PLXNA2: variants seen among roughly 807,000 people sequenced by gnomAD.
PLXNA2 encodes the protein plexin-A2.
Under a neutral mutation model 193.5 loss-of-function variants are expected in PLXNA2, and 91 were observed. That is an observed-to-expected ratio of 0.47 (90% CI 0.40 to 0.56). The LOEUF (loss-of-function observed/expected upper bound fraction) is 0.56, where lower values mean the gene tolerates loss of function less well. Ranked by LOEUF, PLXNA2 falls within the 20% of genes least tolerant of loss-of-function variation. PLXNA2 has a pLI of 0.00. For missense variants in PLXNA2, 1,995 were observed against 2,503.2 expected (o/e 0.80, Z 4.33); for synonymous variants, 997 against 1,027.3 (o/e 0.97, Z 0.56).
chr1:208,192,920 A>G (rs1174830675), intron 3 of PLXNA2, among the ~76,000 whole-genome samples: 2 of 151,858 alleles, frequency 1.3e-5, no homozygotes, highest in Non-Finnish European at 2.9e-5. Flanking sequence ...AAAAAAAACC[A>G]TTAGACAAAG....
At chr1:208,144,935 CTGATGA>C (rs972810707) in intron 3 of PLXNA2, among the ~76,000 whole-genome samples, 2 of 152,024 alleles carry the variant, frequency 1.3e-5, no homozygotes, top group African/African-American at 2.4e-5. Context: ...TGGAGCAATT[CTGATGA>C]TGAGATTCAA....
chr1:208,032,248 G>T (rs1271004526), intron 28 of PLXNA2: 1 of 566,562 alleles, frequency 1.8e-6, no homozygotes, highest in Non-Finnish European at 2.2e-6. Context: ...TGGAATGTGG[G>T]TGAAGGGTCT....
At chr1:208,045,328 A>C in intron 18 of PLXNA2, 118 bp from the exon 19 acceptor site, 1 of 1,007,930 alleles carries the variant, frequency 9.9e-7, no homozygotes, top group Admixed American at 2.3e-5. Context: ...CCAGGAAATG[A>C]CTCCTTGGCA....
intron 14 of PLXNA2, among the ~76,000 whole-genome samples, chr1:208,053,838 C>T (rs1007614425): frequency 4.6e-5 from 7 of 152,140 alleles, no homozygotes; most frequent in Admixed American, 6.6e-5. Context: ...CTGTTGCCTG[C>T]GCATAAAGAG....
intron 26 of PLXNA2, 99 bp from the exon 27 acceptor site, chr1:208,034,691 G>T: frequency 2.8e-6 from 2 of 724,182 alleles, no homozygotes; most frequent in Non-Finnish European, 5.0e-6. Flanking sequence ...ATAGCTGTGG[G>T]GTAGAGAGCA....
intron 7 of PLXNA2, 22 bp from the exon 8 acceptor site, chr1:208,096,147 G>T (rs751952204): frequency 6.3e-7 from 1 of 1,594,666 alleles, no homozygotes; most frequent in Non-Finnish European, 8.6e-7. Context: ...AACAAAAAAG[G>T]ATGGGGTTGG....
At chr1:208,117,229 A>G (rs1254161279) in intron 4 of PLXNA2, among the ~76,000 whole-genome samples, 1 of 152,188 alleles carries the variant, frequency 6.6e-6, no homozygotes, top group Non-Finnish European at 1.5e-5. Context: ...TATTGGAGGG[A>G]GGGCTTGGAA....
At chr1:208,086,405 A>G (rs1666520918) in intron 9 of PLXNA2, among the ~76,000 whole-genome samples, 1 of 152,198 alleles carries the variant, frequency 6.6e-6, no homozygotes, top group Admixed American at 6.5e-5. Context: ...TTTGGTTCTC[A>G]AAAGCTGGAG....
At position 208,205,052 on chromosome 1, in the gene PLXNA2, T is replaced by C. The variant is rs534492845; in HGVS notation, c.1371+5228A>G. The stretch of plus-strand genomic sequence containing the variant: ...TGGGTTGAGGCGGCAGTTTAGCAGC[T>C]GCAAATGGAAGGAAGAAACCAAAGG... On this transcript the variant is annotated intron_variant, in intron 3 of 31. Coordinates refer to ENST00000367033, the MANE Select transcript of PLXNA2 (RefSeq NM_025179.4). Among the ~76,000 whole-genome samples the C allele has an allele frequency of 1.1e-3, 160 of 152,288 alleles. 1 individual carries two copies. Among genetic ancestry groups the C allele is most frequent in the African/African-American group, 3.8e-3 (158 of 41,552 alleles).
chr1:208,146,035 G>T (rs1394544723), intron 3 of PLXNA2, among the ~76,000 whole-genome samples: 1 of 152,200 alleles, frequency 6.6e-6, no homozygotes, highest in Non-Finnish European at 1.5e-5. Context: ...GGTCAGAGAA[G>T]ATGGAGAGTA....
intron 3 of PLXNA2, among the ~76,000 whole-genome samples, chr1:208,166,096 C>T (rs1311887872): frequency 6.6e-6 from 1 of 152,156 alleles, no homozygotes; most frequent in Non-Finnish European, 1.5e-5. Context: ...ACAAAGAAAT[C>T]ATAAGGGCAG....
At chr1:208,075,182 G>A (rs933165450) in intron 12 of PLXNA2, among the ~76,000 whole-genome samples, 3 of 151,982 alleles carry the variant, frequency 2.0e-5, no homozygotes, top group Admixed American at 6.6e-5. Flanking sequence ...GTGGTGGCAC[G>A]TGCCTGTAGT....
intron 3 of PLXNA2, among the ~76,000 whole-genome samples, chr1:208,208,846 A>C (rs1670830447): frequency 6.6e-6 from 1 of 152,210 alleles, no homozygotes; most frequent in South Asian, 2.1e-4. Context: ...AGGCCCGTTA[A>C]CACAATCCTC....
intron 4 of PLXNA2, among the ~76,000 whole-genome samples, chr1:208,111,888 GA>G (rs778413371): frequency 2.0e-5 from 3 of 152,178 alleles, no homozygotes; most frequent in Non-Finnish European, 4.4e-5. Flanking sequence ...AAAAACCCCA[GA>G]AAAACAGCTG....
chr1:208,045,233 T>C (rs758652198), intron 18 of PLXNA2, 23 bp from the exon 19 acceptor site: 18 of 1,609,988 alleles, frequency 1.1e-5, no homozygotes, highest in Non-Finnish European at 1.3e-5. Context: ...GCAGTCTTTA[T>C]AGGCATAATT....
At chr1:208,136,625 G>A (rs546285902) in intron 4 of PLXNA2, among the ~76,000 whole-genome samples, 193 of 152,286 alleles carry the variant, frequency 1.3e-3, no homozygotes, top group African/African-American at 4.4e-3. Context: ...AGGGGAGCGG[G>A]ACTGTTTAGT....
At position 208,022,972 on chromosome 1, in the gene PLXNA2, A is replaced by G. The variant is rs1456510493; in HGVS notation, c.*4271T>C. On this transcript the variant is annotated 3_prime_UTR_variant, in exon 32 of 32. Transcript: ENST00000367033. Reference sequence around the variant, plus strand: ...TAGAAAATACCAAGAGTGAAACTTTATCCCTCATTCATGGGGATCACTGAG... The same window carrying G: ...TAGAAAATACCAAGAGTGAAACTTTGTCCCTCATTCATGGGGATCACTGAG... 1 of 152,224 alleles carries G rather than the reference A, an allele frequency of 6.6e-6. No homozygotes were observed. The highest frequency in any genetic ancestry group is 2.4e-5 in the African/African-American group (1 of 41,458). 9.4% of individuals were successfully genotyped at this position (152,224 alleles called of 1,614,324 possible). A position where few individuals can be genotyped will look rare whatever the true frequency, so the allele number is the denominator to read the frequency against.
chr1:208,227,852 G>C (rs1336861867), intron 1 of PLXNA2, among the ~76,000 whole-genome samples: 3 of 152,192 alleles, frequency 2.0e-5, no homozygotes. Flanking sequence ...TGGGGCAGGA[G>C]AGCAAGCTTA....
intron 3 of PLXNA2, among the ~76,000 whole-genome samples, chr1:208,164,843 C>T: frequency 6.6e-6 from 1 of 152,226 alleles, no homozygotes; most frequent in East Asian, 1.9e-4. Flanking sequence ...CTAACGGATT[C>T]TCTTATCTCG....
Sources: gnomAD v4.1 joint callset for allele counts (sites outside exome capture counted in the v4.1 genomes callset) on GRCh38, gnomAD v4.1.1 for gene constraint, MANE v1.5 for transcripts, NCBI Gene and HGNC (gene_info 2026-07-23, HGNC 2026-07-21) for gene names.